Variants in NRG3 observed in about 807,000 individuals in gnomAD.
NRG3 encodes the protein neuregulin 3.
In NRG3, 31 loss-of-function variants were observed where a neutral mutation model predicts 66.9. The observed-to-expected ratio is 0.46, with a 90% CI of 0.35 to 0.63. The LOEUF (loss-of-function observed/expected upper bound fraction) is 0.63, where lower values mean the gene tolerates loss of function less well. Among genes scored for constraint, NRG3 ranks in the 20% least tolerant of loss-of-function variants. NRG3 has a pLI of 0.00. For synonymous variants in NRG3, 393 were observed against 359.4 expected (o/e 1.09, Z -1.06); for missense variants, 910 against 878.9 (o/e 1.04, Z -0.45).
At chr10:82,254,581 T>A (rs1393117867) in intron 1 of NRG3, among the ~76,000 whole-genome samples, 3 of 152,028 alleles carry the variant, frequency 2.0e-5, no homozygotes, top group Non-Finnish European at 4.4e-5. Flanking sequence ...AAGCAAGAAA[T>A]ATATATTTAC....
intron 1 of NRG3, among the ~76,000 whole-genome samples, chr10:82,259,171 T>G (rs1242607157): frequency 6.6e-6 from 1 of 152,188 alleles, no homozygotes; most frequent in Non-Finnish European, 1.5e-5. Flanking sequence ...CTGCCATTGA[T>G]CGAAAATCTG....
chr10:81,940,774 G>T lies in NRG3; in HGVS notation c.823+64611G>T, dbSNP rs114727006. Among the ~76,000 whole-genome samples, 937 of 152,158 alleles carry T rather than the reference G, an allele frequency of 6.2e-3. 11 individuals are homozygous for T. Among genetic ancestry groups the T allele is most frequent in the African/African-American group, 0.021 (866 of 41,508 alleles). Reference sequence around the variant, plus strand: ...CCTCTAAAAATAAGGATTATATTCAGAAAAAGTGAAGAATAGATAATGGGG... The same window carrying T: ...CCTCTAAAAATAAGGATTATATTCATAAAAAGTGAAGAATAGATAATGGGG... On this transcript the variant is annotated intron_variant, in intron 1 of 8. Coordinates refer to ENST00000372141, the MANE Select transcript of NRG3 (RefSeq NM_001010848.4).
At chr10:82,581,579 A>G (rs2046358067) in intron 2 of NRG3, among the ~76,000 whole-genome samples, 1 of 152,028 alleles carries the variant, frequency 6.6e-6, no homozygotes, top group Non-Finnish European at 1.5e-5. Flanking sequence ...GGATGAGGAG[A>G]ATGGGAAATT....
At chr10:82,558,782 T>C (rs557970899) in intron 2 of NRG3, among the ~76,000 whole-genome samples, 13 of 152,286 alleles carry the variant, frequency 8.5e-5, no homozygotes, top group Non-Finnish European at 4.4e-5. Context: ...TTTTCTCTTA[T>C]CAGGTTTGTG....
intron 1 of NRG3, among the ~76,000 whole-genome samples, chr10:82,011,965 G>A (rs1173787775): frequency 6.6e-6 from 1 of 152,152 alleles, no homozygotes; most frequent in East Asian, 1.9e-4. Context: ...GGAGGATGGT[G>A]GCCCTATTCT....
chr10:82,839,715 T>C (rs1328818745), intron 3 of NRG3, among the ~76,000 whole-genome samples: 1 of 151,890 alleles, frequency 6.6e-6, no homozygotes, highest in Non-Finnish European at 1.5e-5. Flanking sequence ...AATGTAACGA[T>C]GTATGTACAC....
chr10:82,531,684 A>G (rs1847285001), intron 2 of NRG3, among the ~76,000 whole-genome samples: 3 of 151,882 alleles, frequency 2.0e-5, no homozygotes, highest in Non-Finnish European at 4.4e-5. Context: ...GAATACACAC[A>G]TACACACAGA....
chr10:82,285,887 A>G (rs10509452), intron 1 of NRG3, among the ~76,000 whole-genome samples: 47,597 of 152,056 alleles, frequency 0.31, 7,738 homozygotes, highest in African/African-American at 0.38. Flanking sequence ...CAAATTCCCA[A>G]GTTTATTTAC....
chr10:82,854,203 A>G (rs1174154063), intron 3 of NRG3, among the ~76,000 whole-genome samples: 1 of 152,250 alleles, frequency 6.6e-6, no homozygotes, highest in Non-Finnish European at 1.5e-5. Flanking sequence ...TGGAGATCCC[A>G]TCATCATTCA....
rs908533499 is a variant in NRG3 at position 81,952,445 on chromosome 10, G to GGA, written c.823+76295_823+76296dup. ...GAGAAAGAAGGCGGCAGGGGGGTGCGGAGAGAGAGAGAGACCTCTTTTTTA... is the reference window on the plus strand; with the variant it reads ...GAGAAAGAAGGCGGCAGGGGGGTGCGGAGAGAGAGAGAGAGACCTCTTTTTTA... On this transcript the variant is annotated intron_variant, in intron 1 of 8. Coordinates refer to ENST00000372141, the MANE Select transcript of NRG3 (RefSeq NM_001010848.4). Among the ~76,000 whole-genome samples, 18 of 151,642 alleles carry GGA rather than the reference G, an allele frequency of 1.2e-4. No individual in the cohort carries two copies. In the East Asian group the frequency reaches 1.4e-3, roughly 11 times the overall value.
At chr10:82,717,327 G>A (rs2057032675) in intron 2 of NRG3, among the ~76,000 whole-genome samples, 1 of 150,872 alleles carries the variant, frequency 6.6e-6, no homozygotes, top group East Asian at 2.0e-4. Context: ...TGTTTCTCTA[G>A]TGGGTCCATC....
chr10:82,592,082 A>C (rs2047014414), intron 2 of NRG3, among the ~76,000 whole-genome samples: 1 of 152,236 alleles, frequency 6.6e-6, no homozygotes, highest in Admixed American at 6.5e-5. Context: ...TTCTGTGGTC[A>C]CTGTGGATTA....
At chr10:82,315,889 T>G (rs758379472) in intron 1 of NRG3, among the ~76,000 whole-genome samples, 7 of 152,080 alleles carry the variant, frequency 4.6e-5, no homozygotes, top group Non-Finnish European at 7.4e-5. Context: ...GGTCTTGAAC[T>G]TCTGACCTTA....
chr10:82,184,977 C>T (rs1021073268), intron 1 of NRG3, among the ~76,000 whole-genome samples: 4 of 152,096 alleles, frequency 2.6e-5, no homozygotes, highest in Non-Finnish European at 4.4e-5. Flanking sequence ...TGACAGGGCA[C>T]CTTTGAGAGC....
intron 1 of NRG3, among the ~76,000 whole-genome samples, chr10:82,202,570 T>C (rs769396972): frequency 2.6e-5 from 4 of 152,104 alleles, no homozygotes; most frequent in Middle Eastern, 3.2e-3. Flanking sequence ...CAAATTACAC[T>C]ATCAATATTA....
chr10:82,370,315 G>A (rs11193995), intron 2 of NRG3, among the ~76,000 whole-genome samples: 23,677 of 136,706 alleles, frequency 0.17, 5,205 homozygotes, highest in East Asian at 0.39. Flanking sequence ...TATTCCCCTG[G>A]AGTGGGGCTG....
intron 2 of NRG3, among the ~76,000 whole-genome samples, chr10:82,502,499 T>C (rs752382569): frequency 1.3e-5 from 2 of 152,200 alleles, no homozygotes; most frequent in Non-Finnish European, 2.9e-5. Flanking sequence ...CAATTGAAAT[T>C]TTATTAATTA....
intron 1 of NRG3, among the ~76,000 whole-genome samples, chr10:82,017,173 G>A (rs951272140): frequency 2.6e-5 from 4 of 152,146 alleles, no homozygotes; most frequent in African/African-American, 9.7e-5. Context: ...CTGTGAGTGA[G>A]AACACGTGGT....
At chr10:82,817,773 T>G (rs2061777191) in intron 3 of NRG3, among the ~76,000 whole-genome samples, 1 of 152,246 alleles carries the variant, frequency 6.6e-6, no homozygotes, top group African/African-American at 2.4e-5. Flanking sequence ...ATTAGAGCCT[T>G]TCTCCCTTGC....
Sources: gnomAD v4.1 joint callset for allele counts (sites outside exome capture counted in the v4.1 genomes callset) on GRCh38, gnomAD v4.1.1 for gene constraint, MANE v1.5 for transcripts, NCBI Gene and HGNC (gene_info 2026-07-23, HGNC 2026-07-21) for gene names.